DENND1A: variants seen among roughly 807,000 people sequenced by gnomAD.
The protein encoded by DENND1A is DENN domain containing 1A.
Under a neutral mutation model 113.7 loss-of-function variants are expected in DENND1A, and 51 were observed. That is an observed-to-expected ratio of 0.45 (90% CI 0.36 to 0.57). The LOEUF is 0.57. Among genes scored for constraint, DENND1A ranks in the 20% least tolerant of loss-of-function variants. The pLI is 0.00. For synonymous variants in DENND1A, 565 were observed against 570.8 expected (o/e 0.99, Z 0.14); for missense variants, 1,258 against 1,395.9 (o/e 0.90, Z 1.57).
At chr9:123,587,201 G>A (rs145438768) in intron 11 of DENND1A, among the ~76,000 whole-genome samples, 336 of 152,236 alleles carry the variant, frequency 2.2e-3, no homozygotes, top group African/African-American at 7.9e-3. Flanking sequence ...ATGGTCACAT[G>A]GGGATGAAGT....
intron 2 of DENND1A, among the ~76,000 whole-genome samples, chr9:123,799,390 T>C (rs7026650): frequency 0.077 from 11,693 of 152,210 alleles, 911 homozygotes; most frequent in African/African-American, 0.2. Context: ...TGTTGATAAA[T>C]AAGACACAGT....
chr9:123,642,187 C>T (rs1445864158), intron 9 of DENND1A, among the ~76,000 whole-genome samples: 3 of 152,198 alleles, frequency 2.0e-5, no homozygotes, highest in African/African-American at 7.2e-5. Flanking sequence ...AAAACCAATT[C>T]ACACATAATT....
intron 1 of DENND1A, 126 bp downstream of exon 1, chr9:123,929,741 AACCGTCCCCCTCCCCGCGTGCC>A (rs1479563152): frequency 3.9e-5 from 6 of 154,208 alleles, no homozygotes; most frequent in East Asian, 2.0e-4. Context: ...TCGCCATAGC[AACCGTCCCCCTCCCCGCGTGCC>A]GGCGTCACGC....
At chr9:123,868,343 G>A (rs1255334273) in intron 2 of DENND1A, among the ~76,000 whole-genome samples, 1 of 152,194 alleles carries the variant, frequency 6.6e-6, no homozygotes, top group African/African-American at 2.4e-5. Context: ...CTGTTTTTCA[G>A]TTATGTCAAT....
chr9:123,725,987 G>A (rs184950128), intron 5 of DENND1A, among the ~76,000 whole-genome samples: 167 of 152,270 alleles, frequency 1.1e-3, no homozygotes, highest in African/African-American at 3.3e-3. Context: ...TTCTACTCAC[G>A]ACTTAAACCA....
intron 12 of DENND1A, among the ~76,000 whole-genome samples, chr9:123,571,458 C>T (rs1000103716): frequency 6.6e-6 from 1 of 152,236 alleles, no homozygotes; most frequent in Non-Finnish European, 1.5e-5. Flanking sequence ...GGCAGTCAGG[C>T]CCTGCCTCCT....
rs960901095 is a variant in DENND1A at position 123,452,410 on chromosome 9, A to T, written c.1228-63T>A. ...ACAGAGTCATCCAACACCAACAAAG[A>T]CTGCTTCTCTTCAATCGAGTTAAGC... On this transcript the variant is annotated intron_variant, in intron 16 of 23. Transcript: ENST00000394215. 3.8e-6 allele frequency: 5 copies of T among 1,303,432 alleles called. No homozygotes were observed. In the Admixed American group the frequency reaches 6.7e-5, roughly 18 times the overall value. The allele number at this position is 1,303,432 out of a possible 1,614,324, so 80.7% of individuals were successfully genotyped here. A position where few individuals can be genotyped will look rare whatever the true frequency, so the allele number is the denominator to read the frequency against.
intron 5 of DENND1A, among the ~76,000 whole-genome samples, chr9:123,687,490 C>A (rs1018596734): frequency 6.6e-6 from 1 of 152,202 alleles, no homozygotes; most frequent in East Asian, 1.9e-4. Flanking sequence ...CAGAGCACCA[C>A]ATCCAAGAAT....
intron 12 of DENND1A, among the ~76,000 whole-genome samples, chr9:123,568,721 T>C (rs924794740): frequency 6.6e-6 from 1 of 152,086 alleles, no homozygotes; most frequent in Admixed American, 6.5e-5. Context: ...GCCGGATTCA[T>C]GGTGGATCAC....
intron 13 of DENND1A, among the ~76,000 whole-genome samples, chr9:123,523,136 G>A (rs1319898706): frequency 6.6e-6 from 1 of 152,200 alleles, no homozygotes; most frequent in African/African-American, 2.4e-5. Flanking sequence ...AGGGGTAAAG[G>A]AGGGAGGGTT....
intron 5 of DENND1A, among the ~76,000 whole-genome samples, chr9:123,679,128 G>C (rs2064279346): frequency 6.6e-6 from 1 of 152,192 alleles, no homozygotes; most frequent in Non-Finnish European, 1.5e-5. Flanking sequence ...GTAGAATCTT[G>C]CAAGAAAACT....
At chr9:123,641,593 G>A (rs1169171542) in intron 9 of DENND1A, among the ~76,000 whole-genome samples, 1 of 152,114 alleles carries the variant, frequency 6.6e-6, no homozygotes, top group Non-Finnish European at 1.5e-5. Context: ...CCCAGTCAAA[G>A]CTCTCCCAAA....
chr9:123,455,881 G>A (rs1016060102), intron 15 of DENND1A, among the ~76,000 whole-genome samples: 1 of 152,172 alleles, frequency 6.6e-6, no homozygotes, highest in Non-Finnish European at 1.5e-5. Flanking sequence ...ATTACACAGC[G>A]AGGATTAACA....
chr9:123,800,210 GA>G (rs1450828873), intron 2 of DENND1A, among the ~76,000 whole-genome samples: 1 of 152,202 alleles, frequency 6.6e-6, no homozygotes, highest in East Asian at 1.9e-4. Flanking sequence ...CAGATTTACA[GA>G]AACCCTGAGG....
chr9:123,480,488 A>G (rs906195602), intron 13 of DENND1A, among the ~76,000 whole-genome samples: 4 of 152,132 alleles, frequency 2.6e-5, no homozygotes, highest in Non-Finnish European at 4.4e-5. Context: ...GCTTTTGCTC[A>G]CGGTATTCCC....
chr9:123,627,487 A>C (rs1286823659), intron 10 of DENND1A, among the ~76,000 whole-genome samples: 1 of 152,224 alleles, frequency 6.6e-6, no homozygotes, highest in Non-Finnish European at 1.5e-5. Context: ...CACGTCTGTA[A>C]TCGCAGCCCT....
intron 8 of DENND1A, among the ~76,000 whole-genome samples, chr9:123,661,822 A>C (rs1349370680): frequency 2.0e-5 from 3 of 152,244 alleles, no homozygotes; most frequent in Non-Finnish European, 2.9e-5. Flanking sequence ...CAAAGATGGA[A>C]AGATTTGCTG....
intron 1 of DENND1A, among the ~76,000 whole-genome samples, chr9:123,916,371 CTTTTTT>C (rs545019678): frequency 7.9e-6 from 1 of 126,662 alleles, no homozygotes; most frequent in Non-Finnish European, 1.7e-5. Context: ...TACGTATTTG[CTTTTTT>C]TTTTTTTTTT....
At chr9:123,852,378 T>A (rs1477556691) in intron 2 of DENND1A, among the ~76,000 whole-genome samples, 1 of 152,172 alleles carries the variant, frequency 6.6e-6, no homozygotes. Context: ...ATAAAACTGT[T>A]TGCTCCCTGC....
Sources: gnomAD v4.1 joint callset for allele counts (sites outside exome capture counted in the v4.1 genomes callset) on GRCh38, gnomAD v4.1.1 for gene constraint, MANE v1.5 for transcripts, NCBI Gene and HGNC (gene_info 2026-07-23, HGNC 2026-07-21) for gene names.